The following FAM13C variants were observed in gnomAD, a reference collection of about 807,000 sequenced individuals.
FAM13C encodes family with sequence similarity 13 member C, also known as protein FAM13C.
In FAM13C, 37 loss-of-function variants were observed where a neutral mutation model predicts 73.2. That is an observed-to-expected ratio of 0.51 (90% CI 0.39 to 0.67). FAM13C has a LOEUF of 0.67. FAM13C is among the 30% of genes least tolerant of loss of function. The probability of loss-of-function intolerance (pLI) is 0.00; values close to 1 mark genes in which losing one functional copy is unlikely to be tolerated. For synonymous variants in FAM13C, 246 were observed against 260.9 expected (o/e 0.94, Z 0.55); for missense variants, 589 against 715.6 (o/e 0.82, Z 2.02).
chr10:59,331,544 C>A (rs1851982381), intron 3 of FAM13C, among the ~76,000 whole-genome samples: 1 of 152,100 alleles, frequency 6.6e-6, no homozygotes, highest in Admixed American at 6.5e-5. Context: ...GGCTTTATTC[C>A]ATTGGCAATG....
chr10:59,317,732 G>A (rs1849709777), intron 4 of FAM13C, among the ~76,000 whole-genome samples: 1 of 151,840 alleles, frequency 6.6e-6, no homozygotes, highest in African/African-American at 2.4e-5. Context: ...TGTAAATAGT[G>A]CTTCTTTTTT....
chr10:59,254,563 T>C (rs1841748238), intron 10 of FAM13C, 120 bp from the exon 11 acceptor site: 1 of 428,782 alleles, frequency 2.3e-6, no homozygotes, highest in Non-Finnish European at 4.2e-6. Flanking sequence ...GCAGTTATCA[T>C]GAAAAGGAAA....
chr10:59,262,695 T>A, intron 9 of FAM13C, 50 bp from the exon 10 acceptor site: 1 of 1,488,626 alleles, frequency 6.7e-7, no homozygotes, highest in Non-Finnish European at 9.3e-7. Context: ...CCACTAGTTC[T>A]AAGAATGGAG....
At chr10:59,275,881 A>G (rs1844272155) in intron 6 of FAM13C, among the ~76,000 whole-genome samples, 1 of 152,240 alleles carries the variant, frequency 6.6e-6, no homozygotes, top group South Asian at 2.1e-4. Flanking sequence ...TTTGGGCTGT[A>G]GGACTGATAT....
intron 8 of FAM13C, among the ~76,000 whole-genome samples, chr10:59,266,238 C>T (rs559000803): frequency 1.2e-4 from 19 of 152,256 alleles, no homozygotes; most frequent in African/African-American, 3.1e-4. Flanking sequence ...GTGTGGCTGA[C>T]GCAGCCTTTT....
At chr10:59,258,027 TAAA>T (rs1044741761) in intron 10 of FAM13C, among the ~76,000 whole-genome samples, 1 of 152,134 alleles carries the variant, frequency 6.6e-6, no homozygotes, top group Non-Finnish European at 1.5e-5. Context: ...TATCCATTAA[TAAA>T]AAAGAATGCC....
At position 59,247,576 on chromosome 10, in the gene FAM13C, A is replaced by G; in HGVS notation, c.*38T>C. On this transcript the variant is annotated 3_prime_UTR_variant, in exon 14 of 14. Transcript: ENST00000618804. ...GGCAGAGGAAAATAAACTTTACTTT[A>G]TATCATGGGTGAAAGTGATCATAAC... 1 of 1,611,756 alleles carries G rather than the reference A, an allele frequency of 6.2e-7. No homozygotes were observed. The highest frequency in any genetic ancestry group is 8.5e-7 in the Non-Finnish European group (1 of 1,179,114).
chr10:59,285,852 A>C (rs1365034494), intron 5 of FAM13C, among the ~76,000 whole-genome samples: 2 of 152,232 alleles, frequency 1.3e-5, no homozygotes, highest in Admixed American at 6.5e-5. Context: ...GCTGTCTGCA[A>C]GACAAGGAGA....
chr10:59,324,122 G>A lies in FAM13C; in HGVS notation c.325-16C>T, dbSNP rs375173862. ...GCTCTGTCTCCTGCAAGAAGAAAGA[G>A]CAAAAGTAGATGAGCTGTCAACAGC... is the stretch of plus-strand genomic sequence containing the variant. On this transcript the variant is annotated splice_polypyrimidine_tract_variant and intron_variant, in intron 3 of 13. Transcript: ENST00000618804. 5 of 1,599,624 alleles carry A rather than the reference G, an allele frequency of 3.1e-6. No individual in the cohort carries two copies. The African/African-American group carries it at 6.7e-5, about 21-fold the overall frequency.
At position 59,323,571 on chromosome 10, in the gene FAM13C, G is replaced by A. The variant is rs537158995; in HGVS notation, c.443+417C>T. The A allele has an allele frequency of 1.4e-4, 31 of 217,366 alleles. 1 individual carries two copies. The highest frequency in any genetic ancestry group is 2.7e-4 in the Non-Finnish European group (29 of 107,570). The allele number at this position is 217,366 out of a possible 1,614,324, so 13.5% of individuals were successfully genotyped here. On this transcript the variant is annotated intron_variant, in intron 4 of 13. Transcript: ENST00000618804. Reference sequence around the variant, plus strand: ...TCAGACTATGAGTACACAGCTTTACGAGAAAGTAGAGAAGGCTAAATGAGA... The same window carrying A: ...TCAGACTATGAGTACACAGCTTTACAAGAAAGTAGAGAAGGCTAAATGAGA...
At chr10:59,347,672 C>A (rs1254227991) in intron 3 of FAM13C, among the ~76,000 whole-genome samples, 1 of 151,710 alleles carries the variant, frequency 6.6e-6, no homozygotes, top group Admixed American at 6.6e-5. Context: ...TGTTATCCCT[C>A]CCCTAGCCCC....
chr10:59,295,539 GC>G (rs1361835495), intron 5 of FAM13C, among the ~76,000 whole-genome samples: 2 of 152,044 alleles, frequency 1.3e-5, no homozygotes, highest in East Asian at 3.9e-4. Flanking sequence ...TGGGACGGGG[GC>G]TTTTCTCCAG....
chr10:59,315,265 A>G (rs2133960911), intron 4 of FAM13C, among the ~76,000 whole-genome samples: 1 of 152,302 alleles, frequency 6.6e-6, no homozygotes, highest in East Asian at 1.9e-4. Flanking sequence ...CACCACTAAA[A>G]TATGGATTTC....
intron 3 of FAM13C, among the ~76,000 whole-genome samples, chr10:59,351,156 C>A (rs930411045): frequency 1.3e-5 from 2 of 151,774 alleles, no homozygotes; most frequent in Non-Finnish European, 2.9e-5. Flanking sequence ...ATGGTGAAAC[C>A]CCGTCTCTAC....
intron 9 of FAM13C, among the ~76,000 whole-genome samples, chr10:59,263,488 C>T (rs1842720884): frequency 1.3e-5 from 2 of 152,130 alleles, no homozygotes; most frequent in African/African-American, 4.8e-5. Context: ...TGGAAAAACT[C>T]CCATGTCTCT....
chr10:59,325,612 C>T (rs1000194464), intron 3 of FAM13C, among the ~76,000 whole-genome samples: 4 of 152,154 alleles, frequency 2.6e-5, no homozygotes, highest in African/African-American at 9.7e-5. Flanking sequence ...ATTCTGCTTG[C>T]TACTTGCTCA....
At chr10:59,357,700 T>A (rs1243754471) in intron 1 of FAM13C, among the ~76,000 whole-genome samples, 1 of 152,210 alleles carries the variant, frequency 6.6e-6, no homozygotes, top group African/African-American at 2.4e-5. Context: ...AGATACTTAC[T>A]CCCTATTTCT....
chr10:59,292,653 T>G (rs1375415188), intron 5 of FAM13C, among the ~76,000 whole-genome samples: 1 of 152,240 alleles, frequency 6.6e-6, no homozygotes, highest in Non-Finnish European at 1.5e-5. Flanking sequence ...AGATGGCAGG[T>G]CACATTGGAA....
At chr10:59,299,459 C>G (rs886831679) in intron 5 of FAM13C, among the ~76,000 whole-genome samples, 4 of 148,928 alleles carry the variant, frequency 2.7e-5, no homozygotes, top group Admixed American at 2.0e-4. Flanking sequence ...ATGTGGTGCT[C>G]TTTCATATAT....
Sources: gnomAD v4.1 joint callset for allele counts (sites outside exome capture counted in the v4.1 genomes callset) on GRCh38, gnomAD v4.1.1 for gene constraint, MANE v1.5 for transcripts, NCBI Gene and HGNC (gene_info 2026-07-23, HGNC 2026-07-21) for gene names.